Variants in TRAF3IP1 observed in about 807,000 individuals in gnomAD.
The protein encoded by TRAF3IP1 is TRAF3-interacting protein 1.
Under a neutral mutation model 89.9 loss-of-function variants are expected in TRAF3IP1, and 53 were observed. That is an observed-to-expected ratio of 0.59 (90% CI 0.47 to 0.74). The LOEUF is 0.74. TRAF3IP1 is among the 30% of genes least tolerant of loss of function. The probability of loss-of-function intolerance (pLI) is 0.00; values close to 1 mark genes in which losing one functional copy is unlikely to be tolerated. For synonymous variants in TRAF3IP1, 311 were observed against 322.1 expected (o/e 0.97, Z 0.37); for missense variants, 806 against 866.1 (o/e 0.93, Z 0.87).
intron 15 of TRAF3IP1, among the ~76,000 whole-genome samples, chr2:238,383,334 C>T (rs960831938): frequency 6.6e-6 from 1 of 152,210 alleles, no homozygotes; most frequent in Non-Finnish European, 1.5e-5. Flanking sequence ...CCCTGGCACA[C>T]AGTAGGTGCT....
chr2:238,344,250 C>T (rs1003224590), intron 8 of TRAF3IP1, among the ~76,000 whole-genome samples: 7 of 152,092 alleles, frequency 4.6e-5, no homozygotes, highest in Non-Finnish European at 7.4e-5. Context: ...TCCTCCTGGC[C>T]TGAGTAGACC....
chr2:238,329,054 A>T lies in TRAF3IP1; in HGVS notation c.627A>T (p.Gly209=), dbSNP rs910856947. The T allele has an allele frequency of 7.1e-6, 11 of 1,551,566 alleles. No individual in the cohort carries two copies. The highest frequency in any genetic ancestry group is 7.8e-6 in the Non-Finnish European group (9 of 1,147,048). ...KDKEKAKENG[G]NRHREGERER... ...AGGAGAAGGCCAAGGAGAATGGCGG[A>T]AACAGACACAGAGAAGGGGAGAGAG... The change falls in exon 5 of 17, where the codon GGA becomes GGT. Residue 209 remains glycine (G), a synonymous_variant. Coordinates refer to ENST00000373327, the MANE Select transcript of TRAF3IP1 (RefSeq NM_015650.4).
chr2:238,338,516 T>C, intron 8 of TRAF3IP1, 59 bp downstream of exon 8: 1 of 942,402 alleles, frequency 1.1e-6, no homozygotes, highest in South Asian at 1.6e-5. Context: ...AATGGTTATA[T>C]CTCAATGTAG....
At chr2:238,357,304 G>T (rs140742425) in intron 15 of TRAF3IP1, among the ~76,000 whole-genome samples, 3 of 152,192 alleles carry the variant, frequency 2.0e-5, no homozygotes, top group Admixed American at 6.5e-5. Flanking sequence ...AGAGGAAGAA[G>T]AATTTTTTTT....
At chr2:238,350,893 G>T (rs1467262831) in intron 12 of TRAF3IP1, among the ~76,000 whole-genome samples, 1 of 152,092 alleles carries the variant, frequency 6.6e-6, no homozygotes, top group African/African-American at 2.4e-5. Flanking sequence ...CGAGAGAGAA[G>T]GGAAGGAGTA....
intron 15 of TRAF3IP1, among the ~76,000 whole-genome samples, chr2:238,383,310 G>C (rs1448150075): frequency 6.6e-6 from 1 of 152,210 alleles, no homozygotes; most frequent in Non-Finnish European, 1.5e-5. Flanking sequence ...AGTCCCAAGG[G>C]CAGTGGGCCC....
rs997463072 is a variant in TRAF3IP1 at position 238,345,165 on chromosome 2, G to T, written c.1261+567G>T. On this transcript the variant is annotated intron_variant, in intron 9 of 16. Coordinates refer to ENST00000373327, the MANE Select transcript of TRAF3IP1 (RefSeq NM_015650.4). The surrounding 1 kb of genome is among the most constrained non-coding windows in gnomAD (Gnocchi z 4.7). ...AGGCTTGTGCAGGTGGCAGCGGCAGGGTGGGGTGTGGCCAGGGGAGGGCTG... is the reference window on the plus strand; with the variant it reads ...AGGCTTGTGCAGGTGGCAGCGGCAGTGTGGGGTGTGGCCAGGGGAGGGCTG... Among the ~76,000 whole-genome samples the T allele has an allele frequency of 3.9e-5, 6 of 152,206 alleles. No individual in the cohort carries two copies. Among genetic ancestry groups the T allele is most frequent in the African/African-American group, 1.4e-4 (6 of 41,464 alleles).
intron 15 of TRAF3IP1, among the ~76,000 whole-genome samples, chr2:238,380,619 G>A (rs1700506758): frequency 6.6e-6 from 1 of 152,116 alleles, no homozygotes; most frequent in Non-Finnish European, 1.5e-5. Flanking sequence ...TGTGGAAGAA[G>A]CAGATCCTGC....
chr2:238,349,270 T>C (rs1385566359), intron 11 of TRAF3IP1, 55 bp from the exon 12 acceptor site: 1 of 1,536,858 alleles, frequency 6.5e-7, no homozygotes, highest in African/African-American at 1.4e-5. Flanking sequence ...TTTTCCAGTT[T>C]GAAATGTATA....
intron 16 of TRAF3IP1, 87 bp from the exon 17 acceptor site, chr2:238,398,667 C>T (rs2106388672): frequency 1.5e-6 from 2 of 1,328,826 alleles, no homozygotes; most frequent in Non-Finnish European, 1.0e-6. Context: ...GAATAATTTA[C>T]TTCTGTTGTC....
chr2:238,373,404 T>G (rs1173357496), intron 15 of TRAF3IP1, among the ~76,000 whole-genome samples: 11 of 152,228 alleles, frequency 7.2e-5, no homozygotes, highest in African/African-American at 1.9e-4. Context: ...TTTCCCCATT[T>G]CTTGTTTTTG....
chr2:238,326,965 T>C (rs1697866556), intron 3 of TRAF3IP1, among the ~76,000 whole-genome samples: 2 of 152,152 alleles, frequency 1.3e-5, no homozygotes, highest in African/African-American at 2.4e-5. Flanking sequence ...TTCTCATCTT[T>C]CTAAAAAGCA....
At chr2:238,380,103 C>T (rs541809194) in intron 15 of TRAF3IP1, among the ~76,000 whole-genome samples, 6 of 152,312 alleles carry the variant, frequency 3.9e-5, no homozygotes, top group African/African-American at 7.2e-5. Context: ...TGCTCAGAGA[C>T]GTCTACGTAT....
At chr2:238,369,104 TAAC>T (rs1461242278) in intron 15 of TRAF3IP1, among the ~76,000 whole-genome samples, 1 of 152,186 alleles carries the variant, frequency 6.6e-6, no homozygotes, top group African/African-American at 2.4e-5. Flanking sequence ...CTAGGTAGCT[TAAC>T]AAAGCTTTTA....
At chr2:238,394,417 A>G (rs768786692) in intron 15 of TRAF3IP1, among the ~76,000 whole-genome samples, 117 of 152,158 alleles carry the variant, frequency 7.7e-4, no homozygotes, top group Admixed American at 1.9e-3. Context: ...CATTCCATGG[A>G]CACAGTGTGT....
rs1392659039 is a variant in TRAF3IP1 at position 238,340,858 on chromosome 2, GAC to G, written c.1159+2403_1159+2404del. On this transcript the variant is annotated intron_variant, in intron 8 of 16. Transcript: ENST00000373327. ...GTATATATATATATAGAGAGAGAGA[GAC>G]AGAGAGACAGAGACAGAGACAGAGT... Among the ~76,000 whole-genome samples, 330 of 146,318 alleles carry G rather than the reference GAC, an allele frequency of 2.3e-3. 3 individuals carry two copies. The highest frequency in any genetic ancestry group is 8.3e-3 in the African/African-American group (321 of 38,708).
At position 238,345,263 on chromosome 2, in the gene TRAF3IP1, C is replaced by T. The variant is rs1408980265; in HGVS notation, c.1261+665C>T. Among the ~76,000 whole-genome samples, 8 of 152,202 alleles carry T rather than the reference C, an allele frequency of 5.3e-5. No homozygotes were observed. In the East Asian group the frequency reaches 1.3e-3, roughly 26 times the overall value. ...TGCATGTCAGCCCTGAGGCTGGGAG[C>T]GCATGAGCCAGTGAAGTCAGGCTGG... On this transcript the variant is annotated intron_variant, in intron 9 of 16. Transcript: ENST00000373327. This position sits in a 1 kb window ranked among gnomAD's most constrained non-coding sequence, Gnocchi z 4.7.
In TRAF3IP1 at chr2:238,338,435, G is replaced by A; in HGVS notation, c.1137G>A (p.Gln379=). The A allele has an allele frequency of 6.3e-7, 1 of 1,591,954 alleles. No homozygotes were observed. The highest frequency in any genetic ancestry group is 8.6e-7 in the Non-Finnish European group (1 of 1,169,322). Residue 379 remains glutamine (Q), a synonymous_variant, in exon 8 of 17, where the codon CAG becomes CAA. Coordinates refer to ENST00000373327, the MANE Select transcript of TRAF3IP1 (RefSeq NM_015650.4). ...CTGGAATAAATAATGAGCCAAATCA[G>A]GAAACGACAACATCAGAAATAGGTA... ...IVSGINNEPN[Q]ETTTSEIGTK... is the part of the protein sequence containing the mutation.
Position 238,329,084 on chromosome 2 carries a change from A to C in TRAF3IP1, c.657A>C (p.Arg219Ser). 1 of 1,551,260 alleles carries C rather than the reference A, an allele frequency of 6.4e-7. No homozygotes were observed. The highest frequency in any genetic ancestry group is 2.4e-5 in the East Asian group (1 of 40,912). ...GNRHREGERE[R>S]AKARARPDNE... ...GACACAGAGAAGGGGAGAGAGAGAGAGCCAAAGCCCGGGCCAGGCCAGACA... is the reference window on the plus strand; with the variant it reads ...GACACAGAGAAGGGGAGAGAGAGAGCGCCAAAGCCCGGGCCAGGCCAGACA... The change falls in exon 5 of 17, where the codon AGA (arginine) becomes AGC (serine). Residue 219 changes from arginine to serine, a missense_variant. Arg to Ser is a moderately radical substitution (Grantham distance 110). Transcript: ENST00000373327.
Sources: gnomAD v4.1 joint callset for allele counts (sites outside exome capture counted in the v4.1 genomes callset) on GRCh38, gnomAD v4.1.1 for gene constraint, Gnocchi (gnomAD v3.1) non-coding constraint, MANE v1.5 for transcripts, NCBI Gene and HGNC (gene_info 2026-07-23, HGNC 2026-07-21) for gene names.